Variants in MAGI2 observed in about 807,000 individuals in gnomAD.
MAGI2 encodes membrane-associated guanylate kinase, WW and PDZ domain-containing protein 2.
MAGI2 carries 35 observed loss-of-function variants against 133.3 expected under a neutral mutation model. The observed-to-expected ratio is 0.26, with a 90% CI of 0.20 to 0.35. MAGI2 has a LOEUF of 0.35. MAGI2 is among the 10% of genes least tolerant of loss of function. The probability of loss-of-function intolerance (pLI) is 1.00; values close to 1 mark genes in which losing one functional copy is unlikely to be tolerated. For synonymous variants in MAGI2, 729 were observed against 710.6 expected (o/e 1.03, Z -0.41); for missense variants, 1,636 against 1,863.4 (o/e 0.88, Z 2.25).
At chr7:78,352,792 T>A (rs1791655961) in intron 7 of MAGI2, 1 of 152,216 alleles carries the variant, frequency 6.6e-6, no homozygotes, top group African/African-American at 2.4e-5. Context: ...CTTCCCTCCC[T>A]CGGTCGTAAT....
chr7:78,334,282 CTCA>C (rs1789526559), intron 9 of MAGI2, among the ~76,000 whole-genome samples: 1 of 152,198 alleles, frequency 6.6e-6, no homozygotes, highest in Non-Finnish European at 1.5e-5. Context: ...GCAGTAACTA[CTCA>C]TCGGAGAGCA....
At position 79,042,207 on chromosome 7, in the gene MAGI2, A is replaced by T. The variant is rs192259394; in HGVS notation, c.302-35001T>A. On this transcript the variant is annotated intron_variant, in intron 1 of 21. Coordinates refer to ENST00000354212, the MANE Select transcript of MAGI2 (RefSeq NM_012301.4). ...CTTTGCAGTTTCTTCATCAAAGGAG[A>T]TAAATGAATGGCCATTAAGGACATG... Among the ~76,000 whole-genome samples, 9 of 152,304 alleles carry T rather than the reference A, an allele frequency of 5.9e-5. No homozygotes were observed. In the East Asian group the frequency reaches 1.7e-3, roughly 29 times the overall value.
chr7:79,146,637 G>C (rs186916885), intron 1 of MAGI2, among the ~76,000 whole-genome samples: 32 of 152,310 alleles, frequency 2.1e-4, no homozygotes, highest in Admixed American at 1.9e-3. Context: ...TTTATAAATG[G>C]GAGTTCCCCT....
At chr7:78,751,822 A>G (rs996864953) in intron 2 of MAGI2, among the ~76,000 whole-genome samples, 4 of 152,230 alleles carry the variant, frequency 2.6e-5, no homozygotes, top group Non-Finnish European at 5.9e-5. Flanking sequence ...CCAGTGTTCT[A>G]ATTTTTTGCC....
chr7:78,322,237 T>C (rs1228982667), intron 9 of MAGI2, among the ~76,000 whole-genome samples: 2 of 152,142 alleles, frequency 1.3e-5, no homozygotes, highest in Non-Finnish European at 2.9e-5. Context: ...GAACTACCAT[T>C]TGACCCAGCA....
At chr7:78,649,812 C>T (rs144881865) in intron 2 of MAGI2, among the ~76,000 whole-genome samples, 16 of 152,132 alleles carry the variant, frequency 1.1e-4, no homozygotes, top group African/African-American at 3.4e-4. Flanking sequence ...TAACCTCACT[C>T]GTCTGAACAG....
At chr7:78,572,080 A>T (rs960758402) in intron 3 of MAGI2, among the ~76,000 whole-genome samples, 2 of 152,190 alleles carry the variant, frequency 1.3e-5, no homozygotes, top group Admixed American at 1.3e-4. Context: ...CAACAAATTA[A>T]AAAAAGAATT....
intron 1 of MAGI2, among the ~76,000 whole-genome samples, chr7:79,449,353 A>ATTTTTTT (rs11439144): frequency 7.7e-5 from 11 of 142,930 alleles, no homozygotes; most frequent in African/African-American, 2.3e-4. Context: ...AAGAATTAGA[A>ATTTTTTT]TTTTTTTTTT....
rs1018216554 is a variant in MAGI2 at position 79,328,128 on chromosome 7, G to T, written c.301+124892C>A. Among the ~76,000 whole-genome samples, 3 of 151,994 alleles carry T rather than the reference G, an allele frequency of 2.0e-5. 1 individual carries two copies. The highest frequency in any genetic ancestry group is 4.1e-4 in the South Asian group (2 of 4,822). On this transcript the variant is annotated intron_variant, in intron 1 of 21. Coordinates refer to ENST00000354212, the MANE Select transcript of MAGI2 (RefSeq NM_012301.4). Reference sequence around the variant, plus strand: ...ATCTTTATTTCAATTTCTATAAATTGACCACAAGGAAATTTTGCCAACATG... The same window carrying T: ...ATCTTTATTTCAATTTCTATAAATTTACCACAAGGAAATTTTGCCAACATG...
chr7:78,936,448 AAT>A (rs1372368622), intron 2 of MAGI2, among the ~76,000 whole-genome samples: 1 of 152,016 alleles, frequency 6.6e-6, no homozygotes, highest in Non-Finnish European at 1.5e-5. Context: ...TAAATCTACA[AAT>A]ATATACGTTG....
At chr7:78,373,455 G>C (rs1383255308) in intron 6 of MAGI2, among the ~76,000 whole-genome samples, 7 of 152,186 alleles carry the variant, frequency 4.6e-5, no homozygotes, top group Non-Finnish European at 1.0e-4. Flanking sequence ...CTAAGTGGGA[G>C]TTATGGGGAG....
At chr7:79,418,775 T>G (rs4730816) in intron 1 of MAGI2, among the ~76,000 whole-genome samples, 4 of 150,150 alleles carry the variant, frequency 2.7e-5, no homozygotes, top group Non-Finnish European at 4.4e-5. Flanking sequence ...ATTAGACACT[T>G]ACCTCTAGGT....
In MAGI2 at chr7:78,780,753, T is replaced by TA. The variant is rs1826331935; in HGVS notation, c.419-153515_419-153514insT. On this transcript the variant is annotated intron_variant, in intron 2 of 21. Coordinates refer to ENST00000354212, the MANE Select transcript of MAGI2 (RefSeq NM_012301.4). Reference sequence around the variant, plus strand: ...AGGTGTTAATTGTAGTATTTGTCAGTTCTGTTTCAGTACCGGGCCATTAGG... The same window carrying TA: ...AGGTGTTAATTGTAGTATTTGTCAGTATCTGTTTCAGTACCGGGCCATTAGG... Among the ~76,000 whole-genome samples, 5 of 152,292 alleles carry TA rather than the reference T, an allele frequency of 3.3e-5. No homozygotes were observed. The South Asian group carries it at 1.0e-3, about 32-fold the overall frequency.
chr7:79,308,091 G>A (rs1323877605), intron 1 of MAGI2, among the ~76,000 whole-genome samples: 2 of 152,082 alleles, frequency 1.3e-5, no homozygotes, highest in Non-Finnish European at 2.9e-5. Flanking sequence ...TACACTTCAG[G>A]ATGGCATGTG....
chr7:78,666,492 AC>A (rs1813604540), intron 2 of MAGI2, among the ~76,000 whole-genome samples: 1 of 152,126 alleles, frequency 6.6e-6, no homozygotes, highest in South Asian at 2.1e-4. Flanking sequence ...GTTGTAGAGA[AC>A]AAGTCTCAGC....
At position 78,489,784 on chromosome 7, in the gene MAGI2, G is replaced by C; in HGVS notation, c.1022C>G (p.Pro341Arg). 1.9e-6 allele frequency: 3 copies of C among 1,612,668 alleles called. No homozygotes were observed. The highest frequency in any genetic ancestry group is 2.5e-6 in the Non-Finnish European group (3 of 1,179,100). The part of the protein sequence containing the change: ...LDPRLAKKAK[P>R]PEECKENELP... Reference sequence around the variant, plus strand: ...ACCATTTTCTTTGCACTCTTCTGGAGGTTTAGCCTTTTTCGCAAGTCGTGG... The same window carrying C: ...ACCATTTTCTTTGCACTCTTCTGGACGTTTAGCCTTTTTCGCAAGTCGTGG... Residue 341 changes from proline to arginine, a missense_variant, in exon 6 of 22, where the codon CCT (proline) becomes CGT (arginine). Coordinates refer to ENST00000354212, the MANE Select transcript of MAGI2 (RefSeq NM_012301.4).
In MAGI2 at chr7:78,531,010, T is replaced by C. The variant is rs186140380; in HGVS notation, c.539-9365A>G. 2.0e-3 allele frequency among the ~76,000 whole-genome samples: 299 copies of C among 152,254 alleles called. 7 individuals are homozygous for C. The East Asian group carries it at 0.051, about 26-fold the overall frequency. On this transcript the variant is annotated intron_variant, in intron 3 of 21. Transcript: ENST00000354212. Reference sequence around the variant, plus strand: ...TCAAATCACAGTGGAGGTGTTATCCTGAGTAGTAAGGGCTCCTGGGAGGGT... The same window carrying C: ...TCAAATCACAGTGGAGGTGTTATCCCGAGTAGTAAGGGCTCCTGGGAGGGT...
chr7:78,999,013 G>A (rs1208694022), intron 2 of MAGI2, among the ~76,000 whole-genome samples: 1 of 152,118 alleles, frequency 6.6e-6, no homozygotes. Flanking sequence ...CTTTTCCAGA[G>A]ACAAAATATA....
chr7:78,902,730 A>G (rs1212644908), intron 2 of MAGI2: 1 of 152,200 alleles, frequency 6.6e-6, no homozygotes, highest in African/African-American at 2.4e-5. Flanking sequence ...TCCTGTAATC[A>G]ATGACGCTTA....
Sources: gnomAD v4.1 joint callset for allele counts (sites outside exome capture counted in the v4.1 genomes callset) on GRCh38, gnomAD v4.1.1 for gene constraint, MANE v1.5 for transcripts, NCBI Gene and HGNC (gene_info 2026-07-23, HGNC 2026-07-21) for gene names.